The following VASP variants were observed in gnomAD, a reference collection of about 807,000 sequenced individuals.
VASP encodes vasodilator stimulated phosphoprotein.
Under a neutral mutation model 54.4 loss-of-function variants are expected in VASP, and 27 were observed. That is an observed-to-expected ratio of 0.50 (90% confidence interval 0.37 to 0.68). VASP has a LOEUF of 0.68. VASP is among the 30% of genes least tolerant of loss of function. The probability of loss-of-function intolerance (pLI) is 0.00; values close to 1 mark genes in which losing one functional copy is unlikely to be tolerated. For missense variants in VASP, 488 were observed against 528.3 expected (o/e 0.92, Z 0.75); for synonymous variants, 233 against 209.8 (o/e 1.11, Z -0.96).
chr19:45,516,905 C>T lies in VASP; in HGVS notation c.6-758C>T, dbSNP rs375978241. On this transcript the variant is annotated intron_variant, in intron 1 of 12. Coordinates refer to ENST00000245932, the MANE Select transcript of VASP (RefSeq NM_003370.4). ...ATTCCAGCTACTCAGGAGGCTGAGG[C>T]GGAGAATGGCTTGAACCTGGGAGGC... 1.4e-4 allele frequency among the ~76,000 whole-genome samples: 19 copies of T among 132,786 alleles called. No individual in the cohort carries two copies. In the East Asian group the frequency reaches 3.4e-3, roughly 24 times the overall value. 87.1% of individuals were successfully genotyped at this position (132,786 alleles called of 152,430 possible).
chr19:45,514,010 TGGGCA>T (rs1192401084), intron 1 of VASP, among the ~76,000 whole-genome samples: 1 of 152,160 alleles, frequency 6.6e-6, no homozygotes, highest in Non-Finnish European at 1.5e-5. Context: ...AATATTGTGT[TGGGCA>T]GGGGTCACTG....
At chr19:45,520,733 G>A (rs934618787) in intron 3 of VASP, among the ~76,000 whole-genome samples, 5 of 152,218 alleles carry the variant, frequency 3.3e-5, no homozygotes, top group African/African-American at 7.2e-5. Flanking sequence ...GGAGGCTGAG[G>A]CAAGTGGATC....
At position 45,526,559 on chromosome 19, in the gene VASP, A is replaced by T. The variant is rs901553356; in HGVS notation, c.*382A>T. On this transcript the variant is annotated 3_prime_UTR_variant, in exon 13 of 13. Coordinates refer to ENST00000245932, the MANE Select transcript of VASP (RefSeq NM_003370.4). ...AAAGTTTTGGTTTTTTTAAGAAAAA[A>T]AAATATATATATATTTGGGTTTTGG... 1.2e-5 allele frequency: 2 copies of T among 160,488 alleles called. No homozygotes were observed. The highest frequency in any genetic ancestry group is 2.7e-5 in the Non-Finnish European group (2 of 73,600). The allele number at this position is 160,488 out of a possible 1,614,324, so 9.9% of individuals were successfully genotyped here. A position where few individuals can be genotyped will look rare whatever the true frequency, so the allele number is the denominator to read the frequency against.
Position 45,522,732 on chromosome 19 carries a change from A to AG in VASP, c.741dup (p.Pro248AlafsTer7). The AG allele has an allele frequency of 1.2e-6, 2 of 1,604,060 alleles. No individual in the cohort carries two copies. The highest frequency in any genetic ancestry group is 1.8e-5 in the Admixed American group (1 of 56,060). On this transcript the variant is annotated frameshift_variant, in exon 7 of 13. Transcript: ENST00000245932. LOFTEE classifies it high-confidence loss of function. ...AATTTCTCCAGCAGGAGGAGGCCTC[A>AG]GGGGGGCCCACAGCCCCCAAAGCTG...
intron 1 of VASP, among the ~76,000 whole-genome samples, chr19:45,509,511 GTCC>G (rs1968557531): frequency 8.8e-6 from 1 of 113,702 alleles, no homozygotes; most frequent in South Asian, 2.9e-4. Context: ...CCGGCCCCCT[GTCC>G]TCCCCACCAC....
chr19:45,508,858 C>T (rs1012646967), intron 1 of VASP, among the ~76,000 whole-genome samples: 1 of 152,190 alleles, frequency 6.6e-6, no homozygotes, highest in African/African-American at 2.4e-5. Context: ...GCCGGGGCCT[C>T]CCCCGAACTC....
chr19:45,522,869 G>A, intron 7 of VASP, 51 bp downstream of exon 7: 3 of 1,546,796 alleles, frequency 1.9e-6, no homozygotes, highest in Non-Finnish European at 2.6e-6. Flanking sequence ...GTTCAGTAGG[G>A]CCCAGTCAGA....
intron 3 of VASP, among the ~76,000 whole-genome samples, chr19:45,518,942 G>A (rs577568082): frequency 9.4e-5 from 14 of 149,490 alleles, no homozygotes; most frequent in South Asian, 6.4e-4. Flanking sequence ...CGTGATTCTC[G>A]TGCCTCAGCC....
rs529570496 is a variant in VASP at position 45,523,968 on chromosome 19, C to T, written c.910+91C>T. 116 of 1,608,158 alleles carry T rather than the reference C, an allele frequency of 7.2e-5. 1 individual carries two copies. The African/African-American group carries it at 1.2e-3, about 17-fold the overall frequency. ...AAGCACCCTTATAGGAGAGTCAGGG[C>T]GAATGGTGCTGGGGATTGTAGTCTC... On this transcript the variant is annotated intron_variant, in intron 9 of 12. Transcript: ENST00000245932.
At chr19:45,510,988 GAA>G in intron 1 of VASP, among the ~76,000 whole-genome samples, 1 of 134,114 alleles carries the variant, frequency 7.5e-6, no homozygotes, top group African/African-American at 2.7e-5. Flanking sequence ...TGAAGAAAAA[GAA>G]AAAAAAAAAG....
At position 45,523,189 on chromosome 19, in the gene VASP, A is replaced by ATTTTTTTTTTT. The variant is rs1568390471; in HGVS notation, c.821+371_821+372insTTTTTTTTTTT. Among the ~76,000 whole-genome samples, 76 of 106,990 alleles carry ATTTTTTTTTTT rather than the reference A, an allele frequency of 7.1e-4. 9 individuals carry two copies. The highest frequency in any genetic ancestry group is 1.0e-3 in the African/African-American group (25 of 24,746). The allele number at this position is 106,990 out of a possible 152,430, so 70.2% of individuals were successfully genotyped here. ...CTGATTCTAGAACCACAATCTCTTG[A>ATTTTTTTTTTT]ATTTTTTTTTTTTTTTTTTTTTTTT... On this transcript the variant is annotated intron_variant, in intron 7 of 12. Transcript: ENST00000245932.
intron 1 of VASP, among the ~76,000 whole-genome samples, chr19:45,515,456 C>T (rs944000849): frequency 2.0e-5 from 3 of 152,122 alleles, no homozygotes; most frequent in Admixed American, 6.5e-5. Flanking sequence ...GTAGCTGTCC[C>T]GGGCCCCAGT....
intron 11 of VASP, 41 bp from the exon 12 acceptor site, chr19:45,525,905 C>T: frequency 6.3e-7 from 1 of 1,581,352 alleles, no homozygotes; most frequent in Non-Finnish European, 8.6e-7. Flanking sequence ...CCTGCAAGTC[C>T]CGGTACCCCC....
At chr19:45,520,091 G>A (rs566947857) in intron 3 of VASP, among the ~76,000 whole-genome samples, 11 of 151,678 alleles carry the variant, frequency 7.3e-5, no homozygotes, top group Admixed American at 2.0e-4. Context: ...TAGTAGAGAC[G>A]GGGTTTCGCA....
At chr19:45,522,090 A>G in intron 4 of VASP, 78 bp from the exon 5 acceptor site, 2 of 1,592,482 alleles carry the variant, frequency 1.3e-6, no homozygotes, top group Non-Finnish European at 1.7e-6. Context: ...TCTGAGAGAG[A>G]GGACGGAGGT....
intron 1 of VASP, among the ~76,000 whole-genome samples, chr19:45,516,432 C>T (rs1202602263): frequency 6.6e-6 from 1 of 152,224 alleles, no homozygotes; most frequent in Non-Finnish European, 1.5e-5. Context: ...CTTCCCCTCC[C>T]AAGCCTCAGC....
At chr19:45,514,612 C>T (rs1197214579) in intron 1 of VASP, among the ~76,000 whole-genome samples, 2 of 152,238 alleles carry the variant, frequency 1.3e-5, no homozygotes, top group Non-Finnish European at 2.9e-5. Context: ...CCAGCAGGCG[C>T]CCTGTTCTCC....
rs1176703022 is a variant in VASP at position 45,518,110 on chromosome 19, G to A, written c.343+16G>A. 1.4e-5 allele frequency: 22 copies of A among 1,609,132 alleles called. No homozygotes were observed. The highest frequency in any genetic ancestry group is 1.7e-4 in the Middle Eastern group (1 of 5,784). ...GCGTTGGAAGGTCAGAAATGGCGGCGGGCAAAGGGGACCAGTGAATGCGGC... is the reference window on the plus strand; with the variant it reads ...GCGTTGGAAGGTCAGAAATGGCGGCAGGCAAAGGGGACCAGTGAATGCGGC... On this transcript the variant is annotated intron_variant, in intron 3 of 12. Coordinates refer to ENST00000245932, the MANE Select transcript of VASP (RefSeq NM_003370.4).
In VASP at chr19:45,526,124, C is replaced by T. The variant is rs755553582; in HGVS notation, c.1106-16C>T. 22 of 1,613,786 alleles carry T rather than the reference C, an allele frequency of 1.4e-5. No individual in the cohort carries two copies. Among genetic ancestry groups the T allele is most frequent in the Non-Finnish European group, 1.9e-5 (22 of 1,179,934 alleles). On this transcript the variant is annotated splice_polypyrimidine_tract_variant and intron_variant, in intron 12 of 12. Coordinates refer to ENST00000245932, the MANE Select transcript of VASP (RefSeq NM_003370.4). The stretch of plus-strand genomic sequence containing the variant: ...AGAGACTCTGCCCCTGACCTCTGCT[C>T]CTTGTTTCCTTCCAGCCTTCGTCCA...
Sources: gnomAD v4.1 joint callset for allele counts (sites outside exome capture counted in the v4.1 genomes callset) on GRCh38, gnomAD v4.1.1 for gene constraint, MANE v1.5 for transcripts, NCBI Gene and HGNC (gene_info 2026-07-23, HGNC 2026-07-21) for gene names.